The following PITPNM3 variants were observed in gnomAD, a reference collection of about 807,000 sequenced individuals.
PITPNM3 encodes PITPNM family member 3.
A neutral mutation model predicts 102.0 loss-of-function variants in PITPNM3; 26 were observed. The observed-to-expected ratio is 0.25, with a 90% CI of 0.19 to 0.35. The LOEUF is 0.35. Ranked by LOEUF, PITPNM3 falls within the 10% of genes least tolerant of loss-of-function variation. The probability of loss-of-function intolerance (pLI) is 1.00; values close to 1 mark genes in which losing one functional copy is unlikely to be tolerated. For synonymous variants in PITPNM3, 578 were observed against 558.6 expected, an observed-to-expected ratio of 1.03 and a Z score of -0.49; for missense variants, 1,083 against 1,346.1, an observed-to-expected ratio of 0.80 and a Z score of 3.06.
At chr17:6,526,358 C>T (rs996867710) in intron 2 of PITPNM3, among the ~76,000 whole-genome samples, 2 of 152,214 alleles carry the variant, frequency 1.3e-5, no homozygotes, top group Non-Finnish European at 2.9e-5. Context: ...GCTCTCCTCC[C>T]CATACTTTGC....
chr17:6,525,127 A>G (rs971172699), intron 3 of PITPNM3, among the ~76,000 whole-genome samples: 1 of 152,218 alleles, frequency 6.6e-6, no homozygotes, highest in Non-Finnish European at 1.5e-5. Context: ...TCTGTGGACA[A>G]AGGAAGCTCT....
intron 4 of PITPNM3, among the ~76,000 whole-genome samples, chr17:6,495,976 G>T (rs1906785829): frequency 6.6e-6 from 1 of 152,182 alleles, no homozygotes; most frequent in Non-Finnish European, 1.5e-5. Flanking sequence ...GTTGGGTGTA[G>T]CGATGGAAAG....
chr17:6,457,865 C>G lies in PITPNM3; in HGVS notation c.2491-143G>C. ...TCCAAGCCATGGGGCCACCCTGTGT[C>G]AGGAATGAACCCTCAGAGTGGCTGC... On this transcript the variant is annotated intron_variant, in intron 18 of 19. Coordinates refer to ENST00000262483, the MANE Select transcript of PITPNM3 (RefSeq NM_031220.4). The surrounding 1 kb of genome is among the most constrained non-coding windows in gnomAD (Gnocchi z 4.7). 1 of 1,244,328 alleles carries G rather than the reference C, an allele frequency of 8.0e-7. No individual in the cohort carries two copies. The highest frequency in any genetic ancestry group is 2.7e-4 in the Middle Eastern group (1 of 3,768). 77.1% of individuals were successfully genotyped at this position (1,244,328 alleles called of 1,614,324 possible).
intron 1 of PITPNM3, among the ~76,000 whole-genome samples, chr17:6,546,963 T>C (rs946024171): frequency 3.3e-5 from 5 of 151,382 alleles, no homozygotes; most frequent in Admixed American, 6.6e-5. Context: ...GCTGAGATCG[T>C]GCCATTGCAC....
At chr17:6,553,723 C>T (rs758143903) in intron 1 of PITPNM3, among the ~76,000 whole-genome samples, 10 of 152,132 alleles carry the variant, frequency 6.6e-5, no homozygotes, top group Non-Finnish European at 1.3e-4. Flanking sequence ...CTTCAGCAGC[C>T]CTTTGTTCCT....
chr17:6,527,000 G>C (rs755594270), intron 2 of PITPNM3, among the ~76,000 whole-genome samples: 3 of 152,174 alleles, frequency 2.0e-5, no homozygotes, highest in Non-Finnish European at 4.4e-5. Context: ...GGTTTATTCT[G>C]TGCTGGGCAG....
At chr17:6,471,687 C>T (rs1351628106) in intron 11 of PITPNM3, among the ~76,000 whole-genome samples, 2 of 152,250 alleles carry the variant, frequency 1.3e-5, no homozygotes, top group Admixed American at 1.3e-4. Flanking sequence ...AAAGCACCAG[C>T]TGAGGTCCCA....
chr17:6,474,332 C>G (rs1905196423), intron 10 of PITPNM3, 100 bp downstream of exon 10: 2 of 1,465,874 alleles, frequency 1.4e-6, no homozygotes, highest in Non-Finnish European at 1.9e-6. Context: ...GTGACCCTCC[C>G]TGCCCCTGTC....
chr17:6,474,484 C>T lies in PITPNM3; in HGVS notation c.1206G>A (p.Ser402=), dbSNP rs7225547. The change falls in exon 10 of 20, where the codon TCG becomes TCA. Residue 402 remains serine, a synonymous_variant. Coordinates refer to ENST00000262483, the MANE Select transcript of PITPNM3 (RefSeq NM_031220.4). ...GCATGGCCAGGACCAGGCCCAGTGG[C>T]GAGCCGAAGAGGAAGAAGTCGGACA... ...FDVSDFFLFG[S]PLGLVLAMRR... 16,855 of 1,613,376 alleles carry T rather than the reference C, an allele frequency of 0.01. 1,556 individuals carry two copies. The African/African-American group carries it at 0.2, about 19-fold the overall frequency.
At chr17:6,549,898 G>A (rs527942429) in intron 1 of PITPNM3, among the ~76,000 whole-genome samples, 17 of 152,238 alleles carry the variant, frequency 1.1e-4, no homozygotes, top group African/African-American at 3.4e-4. Context: ...TGCTCTCCAC[G>A]TCCACGTCCT....
chr17:6,474,285 C>T (rs1905194342), intron 10 of PITPNM3, 147 bp downstream of exon 10: 2 of 1,173,954 alleles, frequency 1.7e-6, no homozygotes, highest in Non-Finnish European at 2.4e-6. Flanking sequence ...CTCCTCTTCC[C>T]CACCCTCTCT....
rs1379419181 is a variant in PITPNM3 at position 6,455,275 on chromosome 17, C to A, written c.*63G>T. On this transcript the variant is annotated 3_prime_UTR_variant, in exon 20 of 20. Coordinates refer to ENST00000262483, the MANE Select transcript of PITPNM3 (RefSeq NM_031220.4). ...CCTGTGTCGGGGAGAGGGCAGCCCC[C>A]TCCCGTCCCCGCAGGCAGCCTGATT... The A allele has an allele frequency of 2.6e-6, 4 of 1,510,684 alleles. No homozygotes were observed. The highest frequency in any genetic ancestry group is 1.4e-5 in the African/African-American group (1 of 71,746). 93.6% of individuals were successfully genotyped at this position (1,510,684 alleles called of 1,614,324 possible).
rs1913918601 is a variant in PITPNM3 at position 6,452,991 on chromosome 17, T to TCTCTCTCTGCCTTC, written c.*2346_*2347insGAAGGCAGAGAGAG. ...CTCTCTCTCTTCCTCTCTCTCTCTC[T>TCTCTCTCTGCCTTC]CTGTCTTCCTTTCTCTCTCTCTCTC... On this transcript the variant is annotated 3_prime_UTR_variant, in exon 20 of 20. Transcript: ENST00000262483. 3.6e-5 allele frequency: 4 copies of TCTCTCTCTGCCTTC among 110,522 alleles called. No homozygotes were observed. The highest frequency in any genetic ancestry group is 1.4e-4 in the African/African-American group (4 of 29,432). 6.8% of individuals were successfully genotyped at this position (110,522 alleles called of 1,614,324 possible).
intron 1 of PITPNM3, among the ~76,000 whole-genome samples, chr17:6,538,988 G>A (rs1909592287): frequency 1.3e-5 from 2 of 151,864 alleles, no homozygotes; most frequent in African/African-American, 2.4e-5. Context: ...AACTGTTCCT[G>A]AAGGGAGACG....
intron 1 of PITPNM3, among the ~76,000 whole-genome samples, chr17:6,549,744 G>C (rs1039595422): frequency 2.6e-5 from 4 of 152,200 alleles, no homozygotes; most frequent in African/African-American, 9.6e-5. Context: ...TGGGTGGGGA[G>C]CTCAGATCTC....
rs1905019613 is a variant in PITPNM3 at position 6,470,536 on chromosome 17, CCCTGG to C, written c.1625-133_1625-129del. 1.6e-6 allele frequency: 2 copies of C among 1,286,304 alleles called. No homozygotes were observed. The highest frequency in any genetic ancestry group is 2.9e-5 in the African/African-American group (2 of 69,214). 79.7% of individuals were successfully genotyped at this position (1,286,304 alleles called of 1,614,324 possible). ...TGGGGCACGGGTTTGGGCGGGAGCA[CCCTGG>C]CCTGGAGGAGGCCTGGGGAACGCGC... On this transcript the variant is annotated intron_variant, in intron 12 of 19. Coordinates refer to ENST00000262483, the MANE Select transcript of PITPNM3 (RefSeq NM_031220.4). This position sits in a 1 kb window ranked among gnomAD's most constrained non-coding sequence, Gnocchi z 4.8.
rs1908772203 is a variant in PITPNM3 at position 6,525,397 on chromosome 17, A to G, written c.185T>C (p.Val62Ala). ...GMSQWNSNDL[V>A]EQIETMGKLD... ...TTTCCCCATGGTCTCGATCTGCTCC[A>G]CGAGGTCATTGGAGTTCCACTGGCT... The change falls in exon 3 of 20, where the codon GTG becomes GCG. Residue 62 changes from valine to alanine, a missense_variant. Physicochemically the swap from Val to Ala is moderately conservative, Grantham distance 64. Transcript: ENST00000262483. 1 of 1,614,018 alleles carries G rather than the reference A, an allele frequency of 6.2e-7. No individual in the cohort carries two copies. The highest frequency in any genetic ancestry group is 1.3e-5 in the African/African-American group (1 of 74,902).
intron 1 of PITPNM3, among the ~76,000 whole-genome samples, chr17:6,549,022 T>G (rs1910173133): frequency 6.6e-6 from 1 of 152,062 alleles, no homozygotes; most frequent in Non-Finnish European, 1.5e-5. Context: ...ATAAACAGGC[T>G]GACCCTCCCA....
intron 1 of PITPNM3, among the ~76,000 whole-genome samples, chr17:6,550,992 C>G (rs1350924328): frequency 6.6e-6 from 1 of 152,152 alleles, no homozygotes; most frequent in Non-Finnish European, 1.5e-5. Flanking sequence ...TCACAGAGGT[C>G]GGCGTATTTG....
Sources: gnomAD v4.1 joint callset for allele counts (sites outside exome capture counted in the v4.1 genomes callset) on GRCh38, gnomAD v4.1.1 for gene constraint, Gnocchi (gnomAD v3.1) non-coding constraint, MANE v1.5 for transcripts, NCBI Gene and HGNC (gene_info 2026-07-23, HGNC 2026-07-21) for gene names.